ACBD6: variants seen among roughly 807,000 people sequenced by gnomAD.
ACBD6 encodes the protein acyl-CoA binding domain containing 6, also known as acyl-CoA-binding domain-containing protein 6.
A neutral mutation model predicts 37.2 loss-of-function variants in ACBD6; 28 were observed. The ratio of observed to expected loss-of-function variants is 0.75; its 90% CI spans 0.56 to 1.03. The LOEUF (loss-of-function observed/expected upper bound fraction) is 1.03, where lower values mean the gene tolerates loss of function less well. ACBD6 is among the 50% of genes least tolerant of loss of function. The probability of loss-of-function intolerance (pLI) is 0.00; values close to 1 mark genes in which losing one functional copy is unlikely to be tolerated. For missense variants in ACBD6, 340 were observed against 337.4 expected, an observed-to-expected ratio of 1.01 and a Z score of -0.06; for synonymous variants, 113 against 126.8, an observed-to-expected ratio of 0.89 and a Z score of 0.73.
intron 6 of ACBD6, among the ~76,000 whole-genome samples, chr1:180,359,283 G>A (rs1394741827): frequency 3.9e-5 from 6 of 151,942 alleles, no homozygotes; most frequent in East Asian, 1.9e-4. Context: ...CAAATTCAAC[G>A]TATATTTTTT....
At chr1:180,486,694 T>G (rs1651276104) in intron 3 of ACBD6, among the ~76,000 whole-genome samples, 1 of 152,196 alleles carries the variant, frequency 6.6e-6, no homozygotes, top group African/African-American at 2.4e-5. Flanking sequence ...AGTCTCAAAC[T>G]GTTTCCCCAC....
At chr1:180,461,419 A>C (rs982560091) in intron 3 of ACBD6, among the ~76,000 whole-genome samples, 2 of 152,172 alleles carry the variant, frequency 1.3e-5, no homozygotes, top group Non-Finnish European at 2.9e-5. Flanking sequence ...AGAGAACCCC[A>C]GTAAGATACC....
chr1:180,320,306 T>C (rs1198051042), intron 6 of ACBD6, among the ~76,000 whole-genome samples: 1 of 152,216 alleles, frequency 6.6e-6, no homozygotes, highest in Admixed American at 6.5e-5. Context: ...TGTCTTCTTT[T>C]GAGAAAGATC....
intron 1 of ACBD6, among the ~76,000 whole-genome samples, chr1:180,496,125 T>C (rs752376827): frequency 1.3e-5 from 2 of 152,180 alleles, no homozygotes; most frequent in African/African-American, 4.8e-5. Flanking sequence ...TTATCATCTT[T>C]TGTTTGAGGT....
intron 3 of ACBD6, among the ~76,000 whole-genome samples, chr1:180,486,004 C>A (rs1215777764): frequency 1.3e-5 from 2 of 151,698 alleles, no homozygotes; most frequent in African/African-American, 4.8e-5. Context: ...ATCCATGAGT[C>A]TAAACTGATA....
chr1:180,396,190 G>C (rs1654253332), intron 6 of ACBD6, among the ~76,000 whole-genome samples: 1 of 152,142 alleles, frequency 6.6e-6, no homozygotes, highest in Non-Finnish European at 1.5e-5. Flanking sequence ...GTTTCAGTTG[G>C]GGGAGATGAA....
At chr1:180,430,131 A>C (rs765586006) in intron 4 of ACBD6, 49 bp downstream of exon 4, 4 of 1,491,562 alleles carry the variant, frequency 2.7e-6, no homozygotes, top group East Asian at 2.3e-5. Context: ...ACACATGCAC[A>C]CACACAGGCA....
intron 4 of ACBD6, among the ~76,000 whole-genome samples, chr1:180,416,988 T>C (rs1297299407): frequency 1.3e-5 from 2 of 152,198 alleles, no homozygotes. Flanking sequence ...GGAAATCAGA[T>C]ATAAAACACA....
chr1:180,389,510 T>C (rs1043150112), intron 6 of ACBD6, among the ~76,000 whole-genome samples: 1 of 152,208 alleles, frequency 6.6e-6, no homozygotes, highest in Non-Finnish European at 1.5e-5. Context: ...CCTTTGGGTA[T>C]ATACCCAGTA....
chr1:180,477,484 T>C (rs1049929210), intron 3 of ACBD6, among the ~76,000 whole-genome samples: 6 of 152,206 alleles, frequency 3.9e-5, no homozygotes, highest in Admixed American at 1.3e-4. Flanking sequence ...AAATTACCTC[T>C]ATATGGAGGT....
intron 6 of ACBD6, among the ~76,000 whole-genome samples, chr1:180,320,635 T>C (rs563468476): frequency 6.6e-6 from 1 of 152,214 alleles, no homozygotes; most frequent in Non-Finnish European, 1.5e-5. Flanking sequence ...CGAGATCCTG[T>C]CTCAAAAAAT....
chr1:180,373,728 A>G (rs1361740559), intron 6 of ACBD6, among the ~76,000 whole-genome samples: 1 of 152,162 alleles, frequency 6.6e-6, no homozygotes, highest in Admixed American at 6.5e-5. Context: ...ACCTCCAGAC[A>G]TTAAAAAAAG....
chr1:180,344,570 G>T (rs146941201), intron 6 of ACBD6, among the ~76,000 whole-genome samples: 21 of 152,224 alleles, frequency 1.4e-4, no homozygotes, highest in Non-Finnish European at 2.6e-4. Context: ...GTGCTACAGA[G>T]TTGAGACTTC....
At chr1:180,435,712 T>C in intron 3 of ACBD6, 1 of 857,378 alleles carries the variant, frequency 1.2e-6, no homozygotes, top group Non-Finnish European at 2.0e-6. Flanking sequence ...CCGCTGTCAA[T>C]CTCGCCTGGA....
chr1:180,380,217 T>C (rs999713200), intron 6 of ACBD6, among the ~76,000 whole-genome samples: 1 of 152,126 alleles, frequency 6.6e-6, no homozygotes, highest in African/African-American at 2.4e-5. Flanking sequence ...GCCATTATCA[T>C]GCTACTGGGT....
intron 6 of ACBD6, chr1:180,326,403 G>A (rs1413629624): frequency 1.3e-5 from 2 of 152,356 alleles, no homozygotes; most frequent in Non-Finnish European, 2.9e-5. Context: ...GCCAACCCCA[G>A]AACTCACCCT....
At position 180,297,283 on chromosome 1, in the gene ACBD6, T is replaced by C. The variant is rs566139885; in HGVS notation, c.695-8766A>G. 2.6e-4 allele frequency among the ~76,000 whole-genome samples: 39 copies of C among 152,298 alleles called. 1 individual carries two copies. In the South Asian group the frequency reaches 7.9e-3, roughly 31 times the overall value. ...TGTGATAGGTACTTGGGATATATTTTGTGATCCTTTACATTACTTATCCTG... is the reference window on the plus strand; with the variant it reads ...TGTGATAGGTACTTGGGATATATTTCGTGATCCTTTACATTACTTATCCTG... On this transcript the variant is annotated intron_variant, in intron 7 of 7. Coordinates refer to ENST00000367595, the MANE Select transcript of ACBD6 (RefSeq NM_032360.4).
chr1:180,318,166 C>CCCA (rs1553291911), intron 6 of ACBD6, among the ~76,000 whole-genome samples: 2 of 77,732 alleles, frequency 2.6e-5, no homozygotes, highest in East Asian at 7.4e-4. Context: ...CATCTCCGCC[C>CCCA]CCCCCCCCCA....
At chr1:180,329,126 C>T (rs1419053658) in intron 6 of ACBD6, among the ~76,000 whole-genome samples, 5 of 152,236 alleles carry the variant, frequency 3.3e-5, no homozygotes, top group East Asian at 1.9e-4. Flanking sequence ...CTTTTTCTGA[C>T]GATTCTCAGT....
Sources: gnomAD v4.1 joint callset for allele counts (sites outside exome capture counted in the v4.1 genomes callset) on GRCh38, gnomAD v4.1.1 for gene constraint, MANE v1.5 for transcripts, NCBI Gene and HGNC (gene_info 2026-07-23, HGNC 2026-07-21) for gene names.